The following RBPJ variants were observed in gnomAD, a reference collection of about 807,000 sequenced individuals.
RBPJ encodes the protein recombination signal binding protein for immunoglobulin kappa J region.
In RBPJ, 9 loss-of-function variants were observed where a neutral mutation model predicts 67.8. The ratio of observed to expected loss-of-function variants is 0.13; its 90% CI spans 0.08 to 0.23. The LOEUF is 0.23. Among genes scored for constraint, RBPJ ranks in the 10% least tolerant of loss-of-function variants. The pLI, the probability that RBPJ is intolerant of heterozygous loss-of-function variation, is 1.00. For synonymous variants in RBPJ, 198 were observed against 203.3 expected (o/e 0.97, Z 0.22); for missense variants, 305 against 595.6 (o/e 0.51, Z 5.08).
the RBPJ span, among the ~76,000 whole-genome samples, chr4:26,157,663 T>C: frequency 3.3e-5 from 5 of 152,238 alleles, no homozygotes; most frequent in African/African-American, 1.2e-4. Context: ...ATTTCAACTC[T>C]TCTCCCATTA....
the RBPJ span, among the ~76,000 whole-genome samples, chr4:26,149,396 A>G: frequency 2.0e-5 from 3 of 152,190 alleles, no homozygotes; most frequent in African/African-American, 7.2e-5. Context: ...AAAGGTTACT[A>G]TCATCGATAA....
intron 7 of RBPJ, chr4:26,425,062 CT>C: frequency 2.8e-6 from 1 of 358,086 alleles, no homozygotes; most frequent in Non-Finnish European, 4.9e-6. Context: ...AATTACATTT[CT>C]TTTCTTTACT....
chr4:26,299,804 A>T, intron 1 of RBPJ, among the ~76,000 whole-genome samples: 1 of 149,758 alleles, frequency 6.7e-6, no homozygotes, highest in Non-Finnish European at 1.5e-5. Flanking sequence ...TGAGCCTTCC[A>T]AGTAGCTGGG....
chr4:26,244,399 A>G (rs200470380), intron 1 of RBPJ, among the ~76,000 whole-genome samples: 1 of 6,746 alleles, frequency 1.5e-4, no homozygotes, highest in Non-Finnish European at 3.0e-4. Flanking sequence ...ATATGTATGC[A>G]CATATGTGTG....
the RBPJ span, among the ~76,000 whole-genome samples, chr4:26,156,414 CTTTTTTTT>C: frequency 2.1e-5 from 2 of 93,550 alleles, no homozygotes; most frequent in African/African-American, 8.0e-5. Flanking sequence ...TCTTTTCTTT[CTTTTTTTT>C]TTTTTTTTTT....
chr4:26,109,460 C>CTCTA, the RBPJ span, among the ~76,000 whole-genome samples: 16 of 14,696 alleles, frequency 1.1e-3, no homozygotes, highest in Non-Finnish European at 1.6e-3. Context: ...CTCTCTCTCT[C>CTCTA]TATATATATA....
At chr4:26,250,401 G>A (rs1428475817) in intron 1 of RBPJ, among the ~76,000 whole-genome samples, 1 of 144,136 alleles carries the variant, frequency 6.9e-6, no homozygotes, top group Non-Finnish European at 1.5e-5. Context: ...GCGTGGTCTC[G>A]GCTTACTGTA....
intron 1 of RBPJ, among the ~76,000 whole-genome samples, chr4:26,369,650 A>G (rs1343775134): frequency 1.3e-5 from 2 of 152,198 alleles, no homozygotes; most frequent in African/African-American, 2.4e-5. Flanking sequence ...CTGTATTTCA[A>G]CTAAAACATT....
At chr4:26,185,530 G>A (rs906072743) in intron 1 of RBPJ, among the ~76,000 whole-genome samples, 1 of 152,186 alleles carries the variant, frequency 6.6e-6, no homozygotes, top group Non-Finnish European at 1.5e-5. Flanking sequence ...GGGATGGTTT[G>A]ATGCTTTCTG....
chr4:26,218,184 C>A (rs546123469), intron 1 of RBPJ, among the ~76,000 whole-genome samples: 1 of 152,246 alleles, frequency 6.6e-6, no homozygotes, highest in East Asian at 1.9e-4. Context: ...AGACCCTATG[C>A]GAAGGCAATC....
At chr4:26,148,755 A>G in the RBPJ span, among the ~76,000 whole-genome samples, 1 of 152,146 alleles carries the variant, frequency 6.6e-6, no homozygotes, top group African/African-American at 2.4e-5. Flanking sequence ...CCTTTCTCTG[A>G]TTGAAGACCT....
At chr4:26,269,423 T>C (rs2109260424) in intron 1 of RBPJ, among the ~76,000 whole-genome samples, 1 of 151,910 alleles carries the variant, frequency 6.6e-6, no homozygotes, top group South Asian at 2.1e-4. Context: ...GCCCAACTAA[T>C]TTTTGTATTT....
At chr4:26,367,458 A>G (rs1304174483) in intron 1 of RBPJ, among the ~76,000 whole-genome samples, 4 of 152,238 alleles carry the variant, frequency 2.6e-5, no homozygotes, top group African/African-American at 9.6e-5. Flanking sequence ...CAACAGAGCA[A>G]GACTCTTGTC....
At chr4:26,155,939 T>G in the RBPJ span, among the ~76,000 whole-genome samples, 1 of 152,264 alleles carries the variant, frequency 6.6e-6, no homozygotes, top group Admixed American at 6.5e-5. Context: ...ATTTTATCTG[T>G]GTAATCCAGG....
intron 1 of RBPJ, among the ~76,000 whole-genome samples, chr4:26,277,855 G>T (rs1441374700): frequency 6.6e-6 from 1 of 152,172 alleles, no homozygotes; most frequent in African/African-American, 2.4e-5. Flanking sequence ...CTCTCCCATA[G>T]GTTTCTATCG....
chr4:26,410,003 G>A (rs1409912346), intron 3 of RBPJ: 8 of 453,272 alleles, frequency 1.8e-5, no homozygotes, highest in South Asian at 1.3e-4. Flanking sequence ...ATGATAAAGG[G>A]GAAACCCATT....
At chr4:26,243,152 G>A (rs1263190588) in intron 1 of RBPJ, among the ~76,000 whole-genome samples, 2 of 152,154 alleles carry the variant, frequency 1.3e-5, no homozygotes, top group East Asian at 1.9e-4. Flanking sequence ...GCTTGAACCC[G>A]GGAGGCAGAG....
chr4:26,381,176 T>C (rs1202105888), intron 1 of RBPJ, among the ~76,000 whole-genome samples: 1 of 151,886 alleles, frequency 6.6e-6, no homozygotes, highest in Non-Finnish European at 1.5e-5. Flanking sequence ...GATGGTGTAG[T>C]TTTGATAACT....
chr4:26,330,127 CAA>C (rs911330554), intron 1 of RBPJ, among the ~76,000 whole-genome samples: 2 of 152,146 alleles, frequency 1.3e-5, no homozygotes, highest in African/African-American at 2.4e-5. Context: ...ACCTTTTTAA[CAA>C]AGTGTTGTGC....
Sources: allele counts gnomAD v4.1 joint callset (sites outside exome capture counted in the v4.1 genomes callset), GRCh38; gene constraint gnomAD v4.1.1; transcripts MANE v1.5; gene names NCBI Gene and HGNC (gene_info 2026-07-23, HGNC 2026-07-21).